Variants in THADA observed in about 807,000 individuals in gnomAD.
THADA encodes tRNA (32-2'-O)-methyltransferase regulator THADA.
THADA carries 213 observed loss-of-function variants against 219.8 expected under a neutral mutation model. The ratio of observed to expected loss-of-function variants is 0.97; its 90% CI spans 0.87 to 1.09. The LOEUF (loss-of-function observed/expected upper bound fraction) is 1.09. THADA is among the 50% of genes least tolerant of loss of function. The pLI is 0.00. For missense variants in THADA, 2,956 were observed against 2,311.3 expected (o/e 1.28, Z -5.72); for synonymous variants, 1,018 against 828.9 (o/e 1.23, Z -3.92).
intron 28 of THADA, among the ~76,000 whole-genome samples, chr2:43,424,947 G>A (rs947809605): frequency 7.2e-5 from 11 of 152,108 alleles, no homozygotes; most frequent in African/African-American, 1.9e-4. Flanking sequence ...GAGACATTAC[G>A]TCTATATCCA....
intron 11 of THADA, 56 bp from the exon 12 acceptor site, chr2:43,573,048 T>C: frequency 7.6e-7 from 1 of 1,319,844 alleles, no homozygotes; most frequent in Non-Finnish European, 1.0e-6. Flanking sequence ...ACTATAATTA[T>C]CAGCTGCTAA....
At chr2:43,318,001 T>A (rs901906409) in intron 31 of THADA, among the ~76,000 whole-genome samples, 1 of 152,172 alleles carries the variant, frequency 6.6e-6, no homozygotes, top group Non-Finnish European at 1.5e-5. Context: ...CAGTTTTACT[T>A]TGTTATTTTT....
intron 36 of THADA, among the ~76,000 whole-genome samples, chr2:43,245,567 C>G (rs999734823): frequency 1.3e-5 from 2 of 152,208 alleles, no homozygotes; most frequent in African/African-American, 4.8e-5. Flanking sequence ...CACTGGCCCT[C>G]ATTGTCACCT....
intron 11 of THADA, 58 bp from the exon 12 acceptor site, chr2:43,573,050 A>G: frequency 7.6e-7 from 1 of 1,320,582 alleles, no homozygotes; most frequent in African/African-American, 1.5e-5. Context: ...TATAATTATC[A>G]GCTGCTAATT....
intron 34 of THADA, among the ~76,000 whole-genome samples, chr2:43,290,856 G>A (rs564846661): frequency 3.3e-5 from 5 of 152,018 alleles, no homozygotes; most frequent in Admixed American, 3.3e-4. Context: ...CATCTTCCCA[G>A]GAAGCTGTTT....
intron 31 of THADA, among the ~76,000 whole-genome samples, chr2:43,296,583 A>G (rs1002997540): frequency 6.6e-6 from 1 of 152,206 alleles, no homozygotes; most frequent in South Asian, 2.1e-4. Flanking sequence ...GCCAGGCAGT[A>G]TCTTTATAAA....
At chr2:43,333,468 A>G (rs1248759383) in intron 30 of THADA, among the ~76,000 whole-genome samples, 4 of 145,386 alleles carry the variant, frequency 2.8e-5, no homozygotes, top group Non-Finnish European at 6.1e-5. Flanking sequence ...TTTTTTTCCT[A>G]AAAAAAAAAA....
chr2:43,299,441 C>G (rs1675989341), intron 31 of THADA, among the ~76,000 whole-genome samples: 2 of 151,858 alleles, frequency 1.3e-5, no homozygotes, highest in African/African-American at 4.8e-5. Context: ...GGCAGATCAC[C>G]TGAGGTCAGG....
At position 43,525,313 on chromosome 2, in the gene THADA, T is replaced by A. The variant is rs370850308; in HGVS notation, c.3374+2566A>T. Among the ~76,000 whole-genome samples the A allele has an allele frequency of 3.7e-4, 57 of 152,310 alleles. No homozygotes were observed. The East Asian group carries it at 4.1e-3, about 11-fold the overall frequency. ...AAGATGGCTACCACAACATCTCCTA[T>A]CTGCGTATACTTCTACAATATGATC... On this transcript the variant is annotated intron_variant, in intron 22 of 37. Coordinates refer to ENST00000405975, the MANE Select transcript of THADA (RefSeq NM_022065.5).
At chr2:43,594,246 T>G (rs892892584) in intron 1 of THADA, among the ~76,000 whole-genome samples, 9 of 152,184 alleles carry the variant, frequency 5.9e-5, no homozygotes, top group African/African-American at 2.2e-4. Flanking sequence ...ACTCTCTTCC[T>G]TAAAACTTTC....
rs547736485 is a variant in THADA, at chr2:43,366,221, T to C, written c.4228-21984A>G. 2.6e-5 allele frequency among the ~76,000 whole-genome samples: 4 copies of C among 152,358 alleles called. No homozygotes were observed. The South Asian group carries it at 6.2e-4, about 24-fold the overall frequency. On this transcript the variant is annotated intron_variant, in intron 29 of 37. Transcript: ENST00000405975. ...TACATATTTAGCAAGTTAAATGGGT[T>C]CTATGCAATGAAATGAAATTAATTT...
In THADA at chr2:43,586,436, C is replaced by T; in HGVS notation, c.498G>A (p.Leu166=). ...NNLLKNVLHF[L]QKSLIEILEE... is the part of the protein sequence containing the mutation. ...CCAGGATTTCAATTAAACTCTTCTG[C>T]AGAAAATGAAGCACTGAAACAAAAA... is the stretch of plus-strand genomic sequence containing the variant. The change falls in exon 7 of 38, where the codon CTG becomes CTA. Residue 166 remains leucine (L), a synonymous_variant. Transcript: ENST00000405975. 1 of 1,578,958 alleles carries T rather than the reference C, an allele frequency of 6.3e-7. No individual in the cohort carries two copies. The highest frequency in any genetic ancestry group is 8.6e-7 in the Non-Finnish European group (1 of 1,163,410).
chr2:43,267,431 A>G (rs1490874250), intron 36 of THADA, among the ~76,000 whole-genome samples: 2 of 152,242 alleles, frequency 1.3e-5, no homozygotes, highest in Non-Finnish European at 2.9e-5. Context: ...AGAAGATGGC[A>G]GATTGCGAGA....
At position 43,230,957 on chromosome 2, in the gene THADA, C is replaced by T. The variant is rs774211176; in HGVS notation, c.5853G>A (p.Ala1951=). The change falls in exon 38 of 38, where the codon GCG becomes GCA. Residue 1951 remains alanine (A), a synonymous_variant. Coordinates refer to ENST00000405975, the MANE Select transcript of THADA (RefSeq NM_022065.5). ...SRQLTLPRTE[A]AC ...ATCCCCCAGATTTTCTTCAACATGC[C>T]GCTTCTGTTCTTGGAAGAGTTAACT... 8.7e-6 allele frequency: 14 copies of T among 1,603,862 alleles called. No homozygotes were observed. In the East Asian group the frequency reaches 9.0e-5, roughly 10 times the overall value.
chr2:43,339,044 C>T (rs1362575684), intron 30 of THADA, among the ~76,000 whole-genome samples: 1 of 151,720 alleles, frequency 6.6e-6, no homozygotes, highest in Non-Finnish European at 1.5e-5. Flanking sequence ...ATAGCCTTGA[C>T]AAAGTTAAAA....
At chr2:43,328,934 C>T (rs1679646552) in intron 30 of THADA, among the ~76,000 whole-genome samples, 1 of 152,174 alleles carries the variant, frequency 6.6e-6, no homozygotes, top group African/African-American at 2.4e-5. Flanking sequence ...CCAGAATCCT[C>T]ATATTTTTCC....
chr2:43,546,453 T>C (rs529161990), intron 20 of THADA, among the ~76,000 whole-genome samples: 14 of 152,342 alleles, frequency 9.2e-5, no homozygotes, highest in African/African-American at 2.9e-4. Flanking sequence ...TTGATCTGTC[T>C]AATGTTGACG....
intron 22 of THADA, among the ~76,000 whole-genome samples, 184 bp from the exon 23 acceptor site, chr2:43,508,964 T>C (rs1416679592): frequency 1.3e-5 from 2 of 152,128 alleles, no homozygotes; most frequent in African/African-American, 2.4e-5. Flanking sequence ...GATCTAAAGA[T>C]TTCATTTCTA....
At chr2:43,287,601 T>G (rs1389747123) in intron 34 of THADA, among the ~76,000 whole-genome samples, 1 of 152,162 alleles carries the variant, frequency 6.6e-6, no homozygotes, top group Non-Finnish European at 1.5e-5. Flanking sequence ...CCGGCCTTCC[T>G]TTAGTCTTTT....
Sources: gnomAD v4.1 joint callset for allele counts (sites outside exome capture counted in the v4.1 genomes callset) on GRCh38, gnomAD v4.1.1 for gene constraint, MANE v1.5 for transcripts, NCBI Gene and HGNC (gene_info 2026-07-23, HGNC 2026-07-21) for gene names.